IL1RAPL2: variants seen among roughly 807,000 people sequenced by gnomAD.
IL1RAPL2 encodes the protein X-linked interleukin-1 receptor accessory protein-like 2.
Under a neutral mutation model 44.1 loss-of-function variants are expected in IL1RAPL2, and 3 were observed. That is an observed-to-expected ratio of 0.07 (90% CI 0.03 to 0.18). IL1RAPL2 has a LOEUF of 0.18. IL1RAPL2 is among the 10% of genes least tolerant of loss of function. IL1RAPL2 has a pLI of 1.00. For missense variants in IL1RAPL2, 391 were observed against 496.4 expected (o/e 0.79, Z 2.02); for synonymous variants, 181 against 178.8 (o/e 1.01, Z -0.10).
At chrX:104,881,632 A>G (rs1490562412) in intron 2 of IL1RAPL2, among the ~76,000 whole-genome samples, 1 of 112,280 alleles carries the variant, frequency 8.9e-6, no homozygotes, top group Non-Finnish European at 1.9e-5. Flanking sequence ...AGTGCATAGA[A>G]AATGCTTATC....
chrX:105,695,667 C>T (rs1444738307), intron 6 of IL1RAPL2, among the ~76,000 whole-genome samples: 1 of 111,514 alleles, frequency 9.0e-6, no homozygotes, highest in Non-Finnish European at 1.9e-5. Context: ...TGGAGCATTA[C>T]TATGACTCAG....
At chrX:104,681,538 A>G (rs1930891795) in intron 2 of IL1RAPL2, among the ~76,000 whole-genome samples, 1 of 112,763 alleles carries the variant, frequency 8.9e-6, no homozygotes. Flanking sequence ...TCTAAGGATA[A>G]CCTGAAACAA....
chrX:104,704,922 T>C (rs1345769422), intron 2 of IL1RAPL2, among the ~76,000 whole-genome samples: 1 of 111,713 alleles, frequency 9.0e-6, no homozygotes, highest in Non-Finnish European at 1.9e-5. Flanking sequence ...AAATGATTCT[T>C]GAAAGACACA....
At chrX:105,001,000 A>C (rs902983254) in intron 2 of IL1RAPL2, among the ~76,000 whole-genome samples, 4 of 111,674 alleles carry the variant, frequency 3.6e-5, no homozygotes, top group African/African-American at 1.3e-4. Context: ...AGAAAGGTCC[A>C]CTGGAGTCCT....
chrX:105,319,715 G>A (rs2034882161), intron 5 of IL1RAPL2, among the ~76,000 whole-genome samples: 2 of 111,390 alleles, frequency 1.8e-5, no homozygotes, highest in South Asian at 3.8e-4. Context: ...TACAACATAC[G>A]CAAATATTCT....
At chrX:104,881,440 C>T (rs1923068050) in intron 2 of IL1RAPL2, among the ~76,000 whole-genome samples, 1 of 111,899 alleles carries the variant, frequency 8.9e-6, no homozygotes, top group Non-Finnish European at 1.9e-5. Flanking sequence ...TAAGCATAGT[C>T]TCATTTTAGA....
At chrX:105,735,787 G>A (rs1287544729) in intron 7 of IL1RAPL2, among the ~76,000 whole-genome samples, 2 of 111,187 alleles carry the variant, frequency 1.8e-5, no homozygotes, top group African/African-American at 3.3e-5. Flanking sequence ...TCTATTTCTT[G>A]TATGCCAAAT....
chrX:104,597,670 G>C (rs1005972555), intron 1 of IL1RAPL2, among the ~76,000 whole-genome samples: 3 of 111,005 alleles, frequency 2.7e-5, no homozygotes, highest in African/African-American at 9.8e-5. Flanking sequence ...GAGAGGCACA[G>C]CAGGTTTTTG....
chrX:105,246,194 G>T (rs2034217785), intron 4 of IL1RAPL2, among the ~76,000 whole-genome samples: 1 of 112,479 alleles, frequency 8.9e-6, no homozygotes, highest in Non-Finnish European at 1.9e-5. Context: ...TAGTGTCTTT[G>T]TCTTGAGTAA....
intron 2 of IL1RAPL2, among the ~76,000 whole-genome samples, chrX:104,847,553 T>A (rs1294253107): frequency 8.9e-6 from 1 of 111,768 alleles, no homozygotes; most frequent in Non-Finnish European, 1.9e-5. Context: ...CTCGTCTATA[T>A]CTCTGTTTTG....
chrX:104,594,799 G>A (rs1435840907), intron 1 of IL1RAPL2, among the ~76,000 whole-genome samples: 1 of 111,383 alleles, frequency 9.0e-6, no homozygotes, highest in Non-Finnish European at 1.9e-5. Context: ...ATCCAACCAT[G>A]TAAAAGGTTA....
chrX:104,927,870 T>G (rs1924810015), intron 2 of IL1RAPL2, among the ~76,000 whole-genome samples: 1 of 112,129 alleles, frequency 8.9e-6, no homozygotes, highest in African/African-American at 3.2e-5. Flanking sequence ...AAGGGAGTGT[T>G]TGGTTACTTG....
At chrX:105,204,880 C>T (rs1447151497) in intron 3 of IL1RAPL2, among the ~76,000 whole-genome samples, 1 of 111,787 alleles carries the variant, frequency 8.9e-6, no homozygotes, top group Non-Finnish European at 1.9e-5. Context: ...GGCTGTGTGA[C>T]CTTTGCCTTG....
At chrX:104,950,052 CT>C (rs967252034) in intron 2 of IL1RAPL2, among the ~76,000 whole-genome samples, 13 of 110,976 alleles carry the variant, frequency 1.2e-4, no homozygotes, top group Admixed American at 3.8e-4. Context: ...GTGTGGGAGT[CT>C]AAGTCTCTTT....
chrX:104,899,800 T>C (rs1266989003), intron 2 of IL1RAPL2, among the ~76,000 whole-genome samples: 1 of 111,860 alleles, frequency 8.9e-6, no homozygotes, highest in African/African-American at 3.3e-5. Flanking sequence ...CTCCAACTTA[T>C]GTTTTACTGT....
chrX:104,585,088 T>G (rs1350268927), intron 1 of IL1RAPL2, among the ~76,000 whole-genome samples: 1 of 95,074 alleles, frequency 1.1e-5, no homozygotes, highest in Non-Finnish European at 2.0e-5. Context: ...CCTTCCACAC[T>G]TTCTCTATCT....
At chrX:105,083,384 A>C (rs2032438736) in intron 2 of IL1RAPL2, among the ~76,000 whole-genome samples, 1 of 111,903 alleles carries the variant, frequency 8.9e-6, no homozygotes, top group Non-Finnish European at 1.9e-5. Flanking sequence ...ACTCTTCAGG[A>C]TATTATCCAG....
At chrX:105,034,128 A>AT (rs1602906448) in intron 2 of IL1RAPL2, among the ~76,000 whole-genome samples, 1 of 110,125 alleles carries the variant, frequency 9.1e-6, no homozygotes, top group Non-Finnish European at 1.9e-5. Context: ...CATTCATCTA[A>AT]TTTTTTTTCA....
intron 2 of IL1RAPL2, among the ~76,000 whole-genome samples, chrX:104,844,599 G>A (rs1921997845): frequency 1.5e-5 from 1 of 68,867 alleles, no homozygotes; most frequent in African/African-American, 5.8e-5. Context: ...TAGATCATGA[G>A]CTAAAACAAA....
Sources: gnomAD v4.1 joint callset for allele counts (sites outside exome capture counted in the v4.1 genomes callset) on GRCh38, gnomAD v4.1.1 for gene constraint, MANE v1.5 for transcripts, NCBI Gene and HGNC (gene_info 2026-07-23, HGNC 2026-07-21) for gene names.